The following ZNF609 variants were observed in gnomAD, a reference collection of about 807,000 sequenced individuals.
ZNF609 encodes zinc finger protein 609.
A neutral mutation model predicts 109.5 loss-of-function variants in ZNF609; 11 were observed. The ratio of observed to expected loss-of-function variants is 0.10; its 90% CI spans 0.06 to 0.17. ZNF609 has a LOEUF of 0.17. ZNF609 is among the 10% of genes least tolerant of loss of function. The pLI is 1.00. For synonymous variants in ZNF609, 646 were observed against 662.0 expected (o/e 0.98, Z 0.37); for missense variants, 1,559 against 1,772.4 (o/e 0.88, Z 2.16).
At chr15:64,576,568 GATGTTTCTACGAA>G (rs1473323905) in intron 2 of ZNF609, among the ~76,000 whole-genome samples, 4 of 151,994 alleles carry the variant, frequency 2.6e-5, no homozygotes, top group Non-Finnish European at 5.9e-5. Flanking sequence ...AAAGCTACTG[GATGTTTCTACGAA>G]AAGGAAGATG....
At chr15:64,584,529 G>T (rs1477746083) in intron 2 of ZNF609, among the ~76,000 whole-genome samples, 1 of 152,032 alleles carries the variant, frequency 6.6e-6, no homozygotes, top group East Asian at 1.9e-4. Flanking sequence ...TCGAACTCGT[G>T]ACCTCAAGTA....
At position 64,653,158 on chromosome 15, in the gene ZNF609, G is replaced by A. The variant is rs1391953847; in HGVS notation, c.974-17188G>A. On this transcript the variant is annotated intron_variant, in intron 3 of 9. Coordinates refer to ENST00000326648, the MANE Select transcript of ZNF609 (RefSeq NM_015042.2). ...TAGCTACTATAAAATATGTTCAACA[G>A]TAATTTTATTTTAAAACCATTTCTG... Among the ~76,000 whole-genome samples the A allele has an allele frequency of 2.0e-5, 3 of 152,280 alleles. No homozygotes were observed. The East Asian group carries it at 5.8e-4, about 29-fold the overall frequency.
chr15:64,575,797 T>C (rs1894941599), intron 2 of ZNF609, among the ~76,000 whole-genome samples: 1 of 152,122 alleles, frequency 6.6e-6, no homozygotes, highest in African/African-American at 2.4e-5. Context: ...TCTGAGAAAA[T>C]ATAAATAATT....
At chr15:64,641,738 G>A (rs1006484872) in intron 3 of ZNF609, among the ~76,000 whole-genome samples, 2 of 152,236 alleles carry the variant, frequency 1.3e-5, no homozygotes, top group South Asian at 4.1e-4. Flanking sequence ...CAGAATAACT[G>A]TGGGTGGGAG....
At chr15:64,467,649 A>G (rs1439840746) in intron 1 of ZNF609, among the ~76,000 whole-genome samples, 1 of 152,258 alleles carries the variant, frequency 6.6e-6, no homozygotes, top group Non-Finnish European at 1.5e-5. Flanking sequence ...GATCGAGACC[A>G]TCCTGGCCAA....
At chr15:64,663,382 T>G (rs190360551) in intron 3 of ZNF609, among the ~76,000 whole-genome samples, 2 of 152,098 alleles carry the variant, frequency 1.3e-5, no homozygotes, top group Non-Finnish European at 2.9e-5. Flanking sequence ...TTACCTCAGA[T>G]AGGGAGAATT....
At chr15:64,590,397 C>T (rs1183704213) in intron 2 of ZNF609, among the ~76,000 whole-genome samples, 1 of 152,094 alleles carries the variant, frequency 6.6e-6, no homozygotes, top group African/African-American at 2.4e-5. Context: ...TATCAGCTCA[C>T]TGCAACCTCT....
In ZNF609 at chr15:64,623,030, C is replaced by T. The variant is rs757468142; in HGVS notation, c.951C>T (p.Ile317=). 22 of 1,614,054 alleles carry T rather than the reference C, an allele frequency of 1.4e-5. 1 individual carries two copies. The highest frequency in any genetic ancestry group is 6.7e-5 in the Admixed American group (4 of 60,006). ...GAACTAGCGTCAACCTTGAAGGCAT[C>T]GTGTGGCAGGAAACAGAAGATGGTA... The part of the protein sequence containing the change: ...EPGTSVNLEG[I]VWQETEDGML... Residue 317 remains isoleucine, a synonymous_variant, in exon 3 of 10, where the codon ATC becomes ATT. Transcript: ENST00000326648.
At chr15:64,543,255 CTTT>C (rs77646116) in intron 2 of ZNF609, among the ~76,000 whole-genome samples, 8 of 113,296 alleles carry the variant, frequency 7.1e-5, no homozygotes, top group African/African-American at 2.1e-4. Context: ...TTTGTTGTTG[CTTT>C]TTTTTTTTTT....
intron 2 of ZNF609, among the ~76,000 whole-genome samples, chr15:64,609,972 A>G (rs977946799): frequency 1.3e-5 from 2 of 151,910 alleles, no homozygotes; most frequent in Non-Finnish European, 2.9e-5. Context: ...AGATCAAGCC[A>G]CTGCACTCCA....
Position 64,680,819 on chromosome 15 carries a change from G to A in ZNF609, c.4119G>A (p.Gly1373=), listed in dbSNP as rs1272785114. 1.2e-6 allele frequency: 2 copies of A among 1,613,006 alleles called. No individual in the cohort carries two copies. Among genetic ancestry groups the A allele is most frequent in the Non-Finnish European group, 1.7e-6 (2 of 1,179,992 alleles). ...CACACCACCACCACCACCACTTGGG[G>A]TACTCATTGCTCCCAGCACAGTACA... ...MSTHHHHHHL[G]YSLLPAQYNL... is the part of the protein sequence containing the mutation. Residue 1373 remains glycine (G), a synonymous_variant, in exon 8 of 10, where the codon GGG becomes GGA. Transcript: ENST00000326648.
chr15:64,591,787 C>A (rs1895302937), intron 2 of ZNF609, among the ~76,000 whole-genome samples: 1 of 151,628 alleles, frequency 6.6e-6, no homozygotes, highest in Non-Finnish European at 1.5e-5. Flanking sequence ...GTGGCACGAT[C>A]TCGACCTACC....
intron 2 of ZNF609, among the ~76,000 whole-genome samples, chr15:64,602,361 A>T (rs1249771797): frequency 6.6e-6 from 1 of 152,224 alleles, no homozygotes; most frequent in East Asian, 1.9e-4. Context: ...TGGCTAGGTT[A>T]GTTATCTAGC....
intron 1 of ZNF609, among the ~76,000 whole-genome samples, chr15:64,493,186 C>T (rs897972018): frequency 6.6e-6 from 1 of 151,896 alleles, no homozygotes; most frequent in African/African-American, 2.4e-5. Context: ...AGAGATCTCT[C>T]GGGGGTGAAA....
chr15:64,606,879 C>A (rs937095869), intron 2 of ZNF609, among the ~76,000 whole-genome samples: 1 of 151,342 alleles, frequency 6.6e-6, no homozygotes, highest in Non-Finnish European at 1.5e-5. Context: ...CGTGGTGGCT[C>A]ATGCCTGTAA....
At chr15:64,651,113 A>G (rs1349674461) in intron 3 of ZNF609, among the ~76,000 whole-genome samples, 1 of 152,148 alleles carries the variant, frequency 6.6e-6, no homozygotes, top group African/African-American at 2.4e-5. Context: ...AAACATATAT[A>G]TACATATATA....
intron 1 of ZNF609, among the ~76,000 whole-genome samples, chr15:64,485,620 TAGTG>T (rs1027745594): frequency 6.6e-6 from 1 of 151,996 alleles, no homozygotes; most frequent in Non-Finnish European, 1.5e-5. Flanking sequence ...CTGGGCAACA[TAGTG>T]AGACCCTGTC....
intron 1 of ZNF609, among the ~76,000 whole-genome samples, chr15:64,463,367 C>T (rs1160631582): frequency 6.6e-6 from 1 of 150,988 alleles, no homozygotes; most frequent in African/African-American, 2.4e-5. Context: ...CCGCTGTACT[C>T]CAGCCTGGGT....
At chr15:64,625,930 TATATATAGAGAGAGAG>T (rs1157257300) in intron 3 of ZNF609, among the ~76,000 whole-genome samples, 84 of 72,792 alleles carry the variant, frequency 1.2e-3, no homozygotes, top group East Asian at 3.9e-3. Context: ...TATATATATA[TATATATAGAGAGAGAG>T]AGAGAGAGAG....
Sources: allele counts gnomAD v4.1 joint callset (sites outside exome capture counted in the v4.1 genomes callset), GRCh38; gene constraint gnomAD v4.1.1; transcripts MANE v1.5; gene names NCBI Gene and HGNC (gene_info 2026-07-23, HGNC 2026-07-21).